The following OLFM2 variants were observed in gnomAD, a reference collection of about 807,000 sequenced individuals.
OLFM2 encodes olfactomedin 2.
A neutral mutation model predicts 43.9 loss-of-function variants in OLFM2; 20 were observed. The ratio of observed to expected loss-of-function variants is 0.46; its 90% CI spans 0.32 to 0.66. OLFM2 has a LOEUF of 0.66. OLFM2 is among the 30% of genes least tolerant of loss of function. The pLI is 0.04. For synonymous variants in OLFM2, 268 were observed against 278.6 expected (o/e 0.96, Z 0.38); for missense variants, 416 against 643.6 (o/e 0.65, Z 3.83).
At chr19:9,906,760 G>T (rs947138909) in intron 1 of OLFM2, among the ~76,000 whole-genome samples, 7 of 152,074 alleles carry the variant, frequency 4.6e-5, no homozygotes, top group Admixed American at 3.9e-4. Flanking sequence ...GCCTTTTCCC[G>T]CCTGGCTTGG....
intron 1 of OLFM2, among the ~76,000 whole-genome samples, chr19:9,919,838 A>C (rs1283867841): frequency 1.6e-5 from 2 of 121,220 alleles, no homozygotes; most frequent in African/African-American, 6.6e-5. Flanking sequence ...TCTGTCACCC[A>C]GGTTGGAGTG....
At chr19:9,920,741 C>CAAAAAAAAAAAAAAA (rs557455889) in intron 1 of OLFM2, among the ~76,000 whole-genome samples, 2 of 126,620 alleles carry the variant, frequency 1.6e-5, no homozygotes, top group African/African-American at 2.8e-5. Context: ...ACTAAACATA[C>CAAAAAAAAAAAAAAA]AAAAAAAAAA....
intron 1 of OLFM2, among the ~76,000 whole-genome samples, chr19:9,907,865 C>T (rs185693629): frequency 6.6e-6 from 1 of 151,890 alleles, no homozygotes; most frequent in African/African-American, 2.4e-5. Context: ...ATTAGCCAGG[C>T]CTGGTGGTGC....
At chr19:9,890,971 A>T (rs1264182002) in intron 1 of OLFM2, among the ~76,000 whole-genome samples, 1 of 151,384 alleles carries the variant, frequency 6.6e-6, no homozygotes, top group African/African-American at 2.4e-5. Context: ...CGAAGAAAAA[A>T]AGAGGCAAGC....
At chr19:9,923,684 G>A (rs577369509) in intron 1 of OLFM2, among the ~76,000 whole-genome samples, 2 of 150,316 alleles carry the variant, frequency 1.3e-5, no homozygotes, top group African/African-American at 4.8e-5. Context: ...GAAAAGAAAA[G>A]AAAGAAAAAA....
rs1038195978 is a variant in OLFM2, at chr19:9,921,133, G to C, written c.63+15171C>G. Among the ~76,000 whole-genome samples, 30 of 152,082 alleles carry C rather than the reference G, an allele frequency of 2.0e-4. 1 individual carries two copies. The highest frequency in any genetic ancestry group is 2.1e-4 in the South Asian group (1 of 4,828). On this transcript the variant is annotated intron_variant, in intron 1 of 5. Transcript: ENST00000264833. ...TTTGGGATTTTGTTGTTGTTGTTTT[G>C]AGACAGGGTTTTGCCTACCGTCACC... is the stretch of plus-strand genomic sequence containing the variant.
intron 1 of OLFM2, among the ~76,000 whole-genome samples, chr19:9,880,992 G>C (rs1212534083): frequency 1.3e-5 from 2 of 152,098 alleles, no homozygotes; most frequent in Non-Finnish European, 2.9e-5. Context: ...CTGCCTCCCA[G>C]GTTCAAGCAA....
At chr19:9,872,856 A>T (rs2145446215) in intron 1 of OLFM2, among the ~76,000 whole-genome samples, 1 of 152,130 alleles carries the variant, frequency 6.6e-6, no homozygotes, top group South Asian at 2.1e-4. Flanking sequence ...ATATACATCC[A>T]TCCATCTATC....
intron 1 of OLFM2, among the ~76,000 whole-genome samples, chr19:9,914,575 A>G (rs549110051): frequency 2.1e-5 from 3 of 145,958 alleles, no homozygotes; most frequent in South Asian, 2.2e-4. Flanking sequence ...GGCTTTTAGG[A>G]GGCGAGTCCC....
At chr19:9,855,547 C>G (rs1253817731) in intron 5 of OLFM2, among the ~76,000 whole-genome samples, 3 of 150,586 alleles carry the variant, frequency 2.0e-5, no homozygotes, top group Non-Finnish European at 4.4e-5. Flanking sequence ...CTTTTTTTTT[C>G]TTTTGAAACA....
Position 9,857,477 on chromosome 19 carries a change from C to G in OLFM2, c.366G>C (p.Leu122=). 1 of 1,613,598 alleles carries G rather than the reference C, an allele frequency of 6.2e-7. No individual in the cohort carries two copies. The highest frequency in any genetic ancestry group is 8.5e-7 in the Non-Finnish European group (1 of 1,179,990). Residue 122 remains leucine (L), a synonymous_variant, in exon 4 of 6, where the codon CTG becomes CTC. Coordinates refer to ENST00000264833, the MANE Select transcript of OLFM2 (RefSeq NM_058164.4). This position sits in a 1 kb window ranked among gnomAD's most constrained non-coding sequence, Gnocchi z 5.7. ...GCAACAGTTCCGTCATCCTGTCCTT[C>G]AGCTCCTGTGCATCAAGATGGAACC... ...GSLSAKSFQE[L]KDRMTELLPL...
intron 1 of OLFM2, among the ~76,000 whole-genome samples, chr19:9,915,956 G>T (rs1462834465): frequency 1.3e-5 from 2 of 152,250 alleles, no homozygotes; most frequent in African/African-American, 4.8e-5. Context: ...AAGGAGGCCA[G>T]TGTAGTTGGA....
chr19:9,881,900 A>C (rs1449268235), intron 1 of OLFM2, among the ~76,000 whole-genome samples: 2 of 152,124 alleles, frequency 1.3e-5, no homozygotes, highest in African/African-American at 4.8e-5. Context: ...CCACCTCCAA[A>C]TACAGTCACA....
chr19:9,910,382 T>G (rs2046818208), intron 1 of OLFM2, among the ~76,000 whole-genome samples: 1 of 150,744 alleles, frequency 6.6e-6, no homozygotes, highest in Non-Finnish European at 1.5e-5. Flanking sequence ...GAGCTGGGGG[T>G]TTTCAAACAT....
At chr19:9,914,759 C>T (rs988456590) in intron 1 of OLFM2, among the ~76,000 whole-genome samples, 11 of 152,172 alleles carry the variant, frequency 7.2e-5, no homozygotes, top group Non-Finnish European at 1.3e-4. Flanking sequence ...GCGGCAGCCG[C>T]TGGGCCGCGG....
At chr19:9,887,196 T>C (rs1480162877) in intron 1 of OLFM2, among the ~76,000 whole-genome samples, 1 of 152,026 alleles carries the variant, frequency 6.6e-6, no homozygotes, top group Non-Finnish European at 1.5e-5. Flanking sequence ...ATTTTTTTTT[T>C]AGATGGAGTC....
chr19:9,919,749 T>C (rs1254201591), intron 1 of OLFM2, among the ~76,000 whole-genome samples: 2 of 151,068 alleles, frequency 1.3e-5, no homozygotes, highest in Non-Finnish European at 2.9e-5. Flanking sequence ...CCCAAAGTGC[T>C]GGGATTACAG....
intron 1 of OLFM2, among the ~76,000 whole-genome samples, chr19:9,883,778 G>A (rs1281099003): frequency 3.9e-5 from 6 of 152,290 alleles, no homozygotes; most frequent in Middle Eastern, 3.4e-3. Context: ...CATTGCCCGT[G>A]TGCCAGGCAT....
intron 1 of OLFM2, among the ~76,000 whole-genome samples, chr19:9,864,864 C>T (rs4804465): frequency 0.24 from 34,187 of 145,268 alleles, 4,132 homozygotes; most frequent in Middle Eastern, 0.39. Context: ...CTCCTGGGCT[C>T]AAGCGATCCA....
Sources: allele counts gnomAD v4.1 joint callset (sites outside exome capture counted in the v4.1 genomes callset), GRCh38; gene constraint gnomAD v4.1.1; non-coding constraint Gnocchi (gnomAD v3.1); transcripts MANE v1.5; gene names NCBI Gene and HGNC (gene_info 2026-07-23, HGNC 2026-07-21).